The following NYAP2 variants were observed in gnomAD, a reference collection of about 807,000 sequenced individuals.
NYAP2 encodes neuronal tyrosine-phosphorylated phosphoinositide-3-kinase adaptor 2.
NYAP2 carries 23 observed loss-of-function variants against 50.4 expected under a neutral mutation model. The observed-to-expected ratio is 0.46, with a 90% confidence interval of 0.33 to 0.65. NYAP2 has a LOEUF of 0.65. Among genes scored for constraint, NYAP2 ranks in the 30% least tolerant of loss-of-function variants. The pLI is 0.02. For missense variants in NYAP2, 885 were observed against 861.0 expected (o/e 1.03, Z -0.35); for synonymous variants, 394 against 365.2 (o/e 1.08, Z -0.90).
chr2:225,399,163 A>G (rs1385346518), upstream of NYAP2, among the ~76,000 whole-genome samples: 3 of 152,094 alleles, frequency 2.0e-5, no homozygotes, highest in African/African-American at 7.2e-5. Flanking sequence ...ATAGGTCACT[A>G]TCAAGTAATA....
chr2:225,488,780 A>C (rs1348640299), intron 3 of NYAP2, among the ~76,000 whole-genome samples: 1 of 152,092 alleles, frequency 6.6e-6, no homozygotes, highest in Non-Finnish European at 1.5e-5. Flanking sequence ...TCTAAGAGAC[A>C]CTCTTTTGGG....
the NYAP2 span, among the ~76,000 whole-genome samples, chr2:225,662,137 C>A: frequency 1.3e-5 from 2 of 152,252 alleles, no homozygotes; most frequent in African/African-American, 4.8e-5. Context: ...AATGTCATAG[C>A]AGAGGACAAA....
At chr2:225,403,691 T>C (rs576670050) in intron 2 of NYAP2, among the ~76,000 whole-genome samples, 1 of 152,036 alleles carries the variant, frequency 6.6e-6, no homozygotes, top group South Asian at 2.1e-4. Flanking sequence ...AATAGCTCCA[T>C]ATCAGAAATT....
chr2:225,566,134 C>A (rs1411059472), intron 4 of NYAP2, among the ~76,000 whole-genome samples: 2 of 152,042 alleles, frequency 1.3e-5, no homozygotes, highest in Non-Finnish European at 2.9e-5. Context: ...ATGAAATAAT[C>A]CCCCCAAAGC....
the NYAP2 span, among the ~76,000 whole-genome samples, chr2:225,673,734 G>T: frequency 6.6e-6 from 1 of 152,128 alleles, no homozygotes; most frequent in South Asian, 2.1e-4. Context: ...TGTTAGATCT[G>T]CAGGATAGTC....
At chr2:225,449,587 C>G (rs886114390) in intron 3 of NYAP2, among the ~76,000 whole-genome samples, 8 of 149,620 alleles carry the variant, frequency 5.3e-5, no homozygotes, top group Non-Finnish European at 1.0e-4. Context: ...CCAGATCTCT[C>G]TCTCTCTCTT....
At chr2:225,595,755 T>C (rs1246819128) in intron 5 of NYAP2, among the ~76,000 whole-genome samples, 1 of 152,222 alleles carries the variant, frequency 6.6e-6, no homozygotes, top group African/African-American at 2.4e-5. Context: ...TGATGTTTCA[T>C]AAAACAGAAG....
chr2:225,609,657 T>G (rs550891096), intron 5 of NYAP2, among the ~76,000 whole-genome samples: 10 of 152,168 alleles, frequency 6.6e-5, no homozygotes, highest in African/African-American at 2.4e-4. Context: ...AGAATCAGAG[T>G]GAGAACCTCC....
intron 4 of NYAP2, among the ~76,000 whole-genome samples, chr2:225,516,513 A>T (rs1181313130): frequency 6.6e-6 from 1 of 152,086 alleles, no homozygotes; most frequent in African/African-American, 2.4e-5. Flanking sequence ...TAGAGAAGTG[A>T]TTCTTCATGG....
In NYAP2 at chr2:225,547,440, A is replaced by T. The variant is rs184596101; in HGVS notation, c.523+33768A>T. Among the ~76,000 whole-genome samples the T allele has an allele frequency of 2.6e-5, 4 of 152,250 alleles. No individual in the cohort carries two copies. The East Asian group carries it at 7.7e-4, about 29-fold the overall frequency. On this transcript the variant is annotated intron_variant, in intron 4 of 6. Transcript: ENST00000636099. Reference sequence around the variant, plus strand: ...ACACTGTCTTTCAAGTTTATTAAGGACTCAAGAGCACGTTAGTCTGTAATG... The same window carrying T: ...ACACTGTCTTTCAAGTTTATTAAGGTCTCAAGAGCACGTTAGTCTGTAATG...
intron 6 of NYAP2, among the ~76,000 whole-genome samples, chr2:225,637,687 T>C (rs1026190624): frequency 1.2e-4 from 19 of 152,212 alleles, no homozygotes; most frequent in Non-Finnish European, 2.5e-4. Context: ...CTCCCACTTT[T>C]ATTTCTCTGT....
intron 3 of NYAP2, among the ~76,000 whole-genome samples, chr2:225,483,494 T>C (rs905059630): frequency 1.3e-5 from 2 of 152,282 alleles, no homozygotes; most frequent in East Asian, 1.9e-4. Flanking sequence ...CTGGTAAACA[T>C]TGGGTAAAAG....
At chr2:225,636,027 G>GTA (rs1384855461) in intron 6 of NYAP2, among the ~76,000 whole-genome samples, 1 of 151,954 alleles carries the variant, frequency 6.6e-6, no homozygotes, top group Non-Finnish European at 1.5e-5. Context: ...TTTCTTCAAC[G>GTA]TATACTTTGT....
chr2:225,696,584 T>C, the NYAP2 span, among the ~76,000 whole-genome samples: 2 of 151,946 alleles, frequency 1.3e-5, no homozygotes, highest in Non-Finnish European at 2.9e-5. Flanking sequence ...TGATTAGGAA[T>C]TGTGAGAATT....
intron 5 of NYAP2, 141 bp downstream of exon 5, chr2:225,583,176 G>T (rs1692330385): frequency 1.9e-6 from 2 of 1,065,742 alleles, no homozygotes; most frequent in African/African-American, 3.2e-5. Flanking sequence ...AACAAAATGT[G>T]TTAGTTCATT....
intron 6 of NYAP2, 28 bp from the exon 7 acceptor site, chr2:225,651,402 AAT>A (rs1258730612): frequency 6.2e-7 from 1 of 1,613,742 alleles, no homozygotes; most frequent in Admixed American, 1.7e-5. Context: ...TCAGTCAGCT[AAT>A]ATTGTGTCTT....
At chr2:225,632,849 C>A (rs1039509128) in intron 6 of NYAP2, among the ~76,000 whole-genome samples, 9 of 152,194 alleles carry the variant, frequency 5.9e-5, no homozygotes, top group Non-Finnish European at 8.8e-5. Flanking sequence ...AAAATACAAT[C>A]TGTGACCCTC....
chr2:225,514,110 T>A (rs1335515660), intron 4 of NYAP2, among the ~76,000 whole-genome samples: 1 of 152,232 alleles, frequency 6.6e-6, no homozygotes, highest in African/African-American at 2.4e-5. Context: ...TTTATGTATT[T>A]ATGTGTGTAT....
intron 3 of NYAP2, among the ~76,000 whole-genome samples, chr2:225,502,377 G>A (rs140475377): frequency 6.6e-6 from 1 of 152,242 alleles, no homozygotes; most frequent in East Asian, 1.9e-4. Flanking sequence ...TGAGAAAATG[G>A]CCACTGAAGA....
Sources: gnomAD v4.1 joint callset for allele counts (sites outside exome capture counted in the v4.1 genomes callset) on GRCh38, gnomAD v4.1.1 for gene constraint, MANE v1.5 for transcripts, NCBI Gene and HGNC (gene_info 2026-07-23, HGNC 2026-07-21) for gene names.